Variants in SPATA6 observed in about 807,000 individuals in gnomAD.
The protein encoded by SPATA6 is spermatogenesis associated 6.
In SPATA6, 56 loss-of-function variants were observed where a neutral mutation model predicts 65.3. The observed-to-expected ratio is 0.86, with a 90% confidence interval of 0.69 to 1.07. The LOEUF is 1.07. Among genes scored for constraint, SPATA6 ranks in the 50% least tolerant of loss-of-function variants. SPATA6 has a pLI of 0.00. For missense variants in SPATA6, 590 were observed against 594.8 expected (o/e 0.99, Z 0.08); for synonymous variants, 199 against 213.2 (o/e 0.93, Z 0.58).
chr1:48,366,603 C>T (rs557269357), intron 9 of SPATA6, among the ~76,000 whole-genome samples: 33 of 152,310 alleles, frequency 2.2e-4, no homozygotes, highest in Admixed American at 9.8e-4. Flanking sequence ...GTAGTATTCT[C>T]TGATGGTAGT....
the SPATA6 span, among the ~76,000 whole-genome samples, chr1:48,287,985 C>A: frequency 6.6e-6 from 1 of 152,166 alleles, no homozygotes; most frequent in South Asian, 2.1e-4. Flanking sequence ...TCCTGTATAT[C>A]TATTTTGTTT....
chr1:48,277,855 C>G, the SPATA6 span, among the ~76,000 whole-genome samples: 1 of 152,238 alleles, frequency 6.6e-6, no homozygotes, highest in Non-Finnish European at 1.5e-5. Context: ...AGCTGGAGAT[C>G]TGAGAATGGG....
chr1:48,311,220 A>G (rs976252307), intron 11 of SPATA6, among the ~76,000 whole-genome samples: 2 of 152,154 alleles, frequency 1.3e-5, no homozygotes. Context: ...TAGGATGGAA[A>G]TAAATGAGAT....
intron 11 of SPATA6, among the ~76,000 whole-genome samples, chr1:48,309,131 G>T (rs534068359): frequency 6.6e-6 from 1 of 151,962 alleles, no homozygotes; most frequent in East Asian, 1.9e-4. Flanking sequence ...AGAGTTTATT[G>T]AGCTCCTTAG....
At chr1:48,375,005 C>T (rs1647719129) in intron 9 of SPATA6, among the ~76,000 whole-genome samples, 1 of 152,174 alleles carries the variant, frequency 6.6e-6, no homozygotes, top group Non-Finnish European at 1.5e-5. Context: ...GTACTTCTGA[C>T]CAGATGGCAG....
chr1:48,294,756 C>G (rs1047691204), downstream of SPATA6, among the ~76,000 whole-genome samples: 8 of 152,194 alleles, frequency 5.3e-5, no homozygotes, highest in African/African-American at 1.7e-4. Flanking sequence ...GTCACCTCTT[C>G]TAATGCTGCT....
intron 9 of SPATA6, among the ~76,000 whole-genome samples, chr1:48,370,123 A>G (rs1012693798): frequency 4.6e-5 from 7 of 152,242 alleles, no homozygotes; most frequent in Non-Finnish European, 8.8e-5. Context: ...AGTGTGGGTG[A>G]GAATTAACTA....
intron 11 of SPATA6, among the ~76,000 whole-genome samples, chr1:48,338,084 T>C (rs909729264): frequency 2.0e-5 from 3 of 151,866 alleles, no homozygotes; most frequent in Non-Finnish European, 4.4e-5. Context: ...CTATAGTAAA[T>C]TGAAAAACTA....
At chr1:48,320,734 T>C (rs191316993) in intron 11 of SPATA6, among the ~76,000 whole-genome samples, 1 of 152,284 alleles carries the variant, frequency 6.6e-6, no homozygotes, top group East Asian at 1.9e-4. Context: ...TAACACTAAC[T>C]GTGGCAAACT....
At position 48,350,481 on chromosome 1, in the gene SPATA6, C is replaced by T. The variant is rs114508936; in HGVS notation, c.1194+5189G>A. Among the ~76,000 whole-genome samples the T allele has an allele frequency of 5.0e-3, 755 of 151,684 alleles. 8 individuals carry two copies. Among genetic ancestry groups the T allele is most frequent in the African/African-American group, 0.018 (742 of 41,426 alleles). ...TGTTGTGCTTGCTATCATATAAAAA[C>T]TCATTGCCGAAATTAAATTACACAG... is the stretch of plus-strand genomic sequence containing the variant. On this transcript the variant is annotated intron_variant, in intron 11 of 12. Transcript: ENST00000371847.
rs1364633077 is a variant in SPATA6 at position 48,402,160 on chromosome 1, T to A, written c.486+1642A>T. 2.6e-5 allele frequency among the ~76,000 whole-genome samples: 4 copies of A among 152,014 alleles called. No homozygotes were observed. In the East Asian group the frequency reaches 7.7e-4, roughly 29 times the overall value. ...CCAAGTCAAAAAGTAAAAATAAAAA[T>A]AAAAATAAAATGGAAGACTCTTGTT... On this transcript the variant is annotated intron_variant, in intron 6 of 12. Coordinates refer to ENST00000371847, the MANE Select transcript of SPATA6 (RefSeq NM_019073.4).
chr1:48,435,962 A>C, intron 3 of SPATA6: 1 of 1,595,914 alleles, frequency 6.3e-7, no homozygotes, highest in Non-Finnish European at 8.6e-7. Flanking sequence ...AACTAAAGTG[A>C]TTCAATGTCT....
At chr1:48,269,793 A>G in the SPATA6 span, among the ~76,000 whole-genome samples, 1 of 151,474 alleles carries the variant, frequency 6.6e-6, no homozygotes, top group Non-Finnish European at 1.5e-5. Flanking sequence ...AATCATATGT[A>G]TTTCAAATAT....
At chr1:48,263,741 TCTTA>T in the SPATA6 span, among the ~76,000 whole-genome samples, 1 of 152,324 alleles carries the variant, frequency 6.6e-6, no homozygotes, top group African/African-American at 2.4e-5. Flanking sequence ...TTGTGATATC[TCTTA>T]CTATGATCTT....
chr1:48,442,478 A>G (rs1655588709), intron 3 of SPATA6, among the ~76,000 whole-genome samples: 1 of 152,036 alleles, frequency 6.6e-6, no homozygotes, highest in African/African-American at 2.4e-5. Flanking sequence ...AGAGGAGAAC[A>G]GCAGCATAAG....
intron 1 of SPATA6, among the ~76,000 whole-genome samples, chr1:48,463,715 T>C (rs996351610): frequency 6.6e-6 from 1 of 152,144 alleles, no homozygotes; most frequent in Non-Finnish European, 1.5e-5. Context: ...CAGGTGTTCA[T>C]TAAATGTTAC....
chr1:48,379,561 C>A (rs1438381515), intron 9 of SPATA6, among the ~76,000 whole-genome samples: 1 of 152,082 alleles, frequency 6.6e-6, no homozygotes, highest in Non-Finnish European at 1.5e-5. Flanking sequence ...TATTTTACAG[C>A]ATGATGACTA....
At chr1:48,328,453 C>T (rs1645826706) in intron 11 of SPATA6, among the ~76,000 whole-genome samples, 1 of 152,098 alleles carries the variant, frequency 6.6e-6, no homozygotes, top group Admixed American at 6.5e-5. Flanking sequence ...GTGACATGTA[C>T]TACAACCTGG....
chr1:48,400,538 T>G (rs1160163757), intron 6 of SPATA6, among the ~76,000 whole-genome samples: 1 of 151,992 alleles, frequency 6.6e-6, no homozygotes, highest in Non-Finnish European at 1.5e-5. Context: ...TGCGGAGAAT[T>G]TTTAAATGTC....
Sources: gnomAD v4.1 joint callset for allele counts (sites outside exome capture counted in the v4.1 genomes callset) on GRCh38, gnomAD v4.1.1 for gene constraint, MANE v1.5 for transcripts, NCBI Gene and HGNC (gene_info 2026-07-23, HGNC 2026-07-21) for gene names.